Variants in TRAPPC9 observed in about 807,000 individuals in gnomAD.
The protein encoded by TRAPPC9 is IKK2 binding protein.
A neutral mutation model predicts 124.0 loss-of-function variants in TRAPPC9; 83 were observed. The ratio of observed to expected loss-of-function variants is 0.67; its 90% CI spans 0.56 to 0.80. The LOEUF (loss-of-function observed/expected upper bound fraction) is 0.80, where lower values mean the gene tolerates loss of function less well. Ranked by LOEUF, TRAPPC9 falls within the 30% of genes least tolerant of loss-of-function variation. The probability of loss-of-function intolerance (pLI) is 0.00; values close to 1 mark genes in which losing one functional copy is unlikely to be tolerated. For missense variants in TRAPPC9, 1,302 were observed against 1,508.3 expected, an observed-to-expected ratio of 0.86 and a Z score of 2.27; for synonymous variants, 638 against 617.5, an observed-to-expected ratio of 1.03 and a Z score of -0.49.
At chr8:139,756,609 C>T (rs1348506685) in intron 21 of TRAPPC9, among the ~76,000 whole-genome samples, 3 of 138,046 alleles carry the variant, frequency 2.2e-5, no homozygotes, top group African/African-American at 2.8e-5. Flanking sequence ...GACAGCGTGT[C>T]GCAGGAGAAG....
At chr8:140,129,771 C>T (rs770876175) in intron 17 of TRAPPC9, among the ~76,000 whole-genome samples, 13 of 152,144 alleles carry the variant, frequency 8.5e-5, no homozygotes, top group Admixed American at 3.3e-4. Context: ...CCAGTGATAC[C>T]GGATCGGAAT....
chr8:140,064,791 G>C (rs1842821682), intron 17 of TRAPPC9, among the ~76,000 whole-genome samples: 1 of 152,164 alleles, frequency 6.6e-6, no homozygotes, highest in Non-Finnish European at 1.5e-5. Flanking sequence ...TTGGACACCA[G>C]ATTAAAGAAA....
intron 17 of TRAPPC9, among the ~76,000 whole-genome samples, chr8:140,075,076 A>T (rs1411717057): frequency 6.6e-6 from 1 of 152,066 alleles, no homozygotes; most frequent in Non-Finnish European, 1.5e-5. Context: ...TCTGCAATAA[A>T]AGGAGGCAAT....
chr8:140,340,540 C>T (rs1248638403), intron 9 of TRAPPC9, among the ~76,000 whole-genome samples: 3 of 152,232 alleles, frequency 2.0e-5, no homozygotes, highest in African/African-American at 7.2e-5. Flanking sequence ...TGCCAGGCAG[C>T]TGACACATTC....
At chr8:140,155,088 G>A (rs1184562667) in intron 17 of TRAPPC9, among the ~76,000 whole-genome samples, 3 of 152,174 alleles carry the variant, frequency 2.0e-5, no homozygotes, top group Non-Finnish European at 2.9e-5. Flanking sequence ...AATATCTCAC[G>A]ACTGGAAGGC....
At position 140,152,722 on chromosome 8, in the gene TRAPPC9, T is replaced by C. The variant is rs560465484; in HGVS notation, c.2556+68737A>G. ...CTGATCCATGAGCATGGTATGTCTT[T>C]ACATTAATAGGTCTTGTTTAACTTC... On this transcript the variant is annotated intron_variant, in intron 17 of 22. Transcript: ENST00000438773. Among the ~76,000 whole-genome samples the C allele has an allele frequency of 1.4e-3, 219 of 152,298 alleles. 1 individual carries two copies. Among genetic ancestry groups the C allele is most frequent in the South Asian group, 7.9e-3 (38 of 4,828 alleles).
rs996152403 is a variant in TRAPPC9, at chr8:139,907,224, T to C, written c.2964+2923A>G. ...CCATCGTGTCACCGTAGCTGCTTCATAGACAGGTGTGCATCGACCCAGTGC... is the reference window on the plus strand; with the variant it reads ...CCATCGTGTCACCGTAGCTGCTTCACAGACAGGTGTGCATCGACCCAGTGC... On this transcript the variant is annotated intron_variant, in intron 20 of 22. Coordinates refer to ENST00000438773, the MANE Select transcript of TRAPPC9 (RefSeq NM_001160372.4). This position sits in a 1 kb window ranked among gnomAD's most constrained non-coding sequence, Gnocchi z 4.7. 6.6e-6 allele frequency among the ~76,000 whole-genome samples: 1 copy of C among 152,128 alleles called. No homozygotes were observed. The highest frequency in any genetic ancestry group is 1.5e-5 in the Non-Finnish European group (1 of 68,028).
chr8:139,901,873 A>G (rs1831042506), intron 20 of TRAPPC9, among the ~76,000 whole-genome samples: 1 of 152,196 alleles, frequency 6.6e-6, no homozygotes, highest in African/African-American at 2.4e-5. Flanking sequence ...TCATCTGTGC[A>G]ACGTGGATAA....
intron 19 of TRAPPC9, among the ~76,000 whole-genome samples, chr8:139,929,031 G>A (rs758793893): frequency 2.0e-5 from 3 of 152,062 alleles, no homozygotes; most frequent in Non-Finnish European, 2.9e-5. Flanking sequence ...TGCTGTGCAC[G>A]CCAATGGCAA....
chr8:140,300,303 GCACACATGCA>G, intron 11 of TRAPPC9, among the ~76,000 whole-genome samples, 156 bp downstream of exon 11: 1 of 149,052 alleles, frequency 6.7e-6, no homozygotes, highest in African/African-American at 2.6e-5. Flanking sequence ...ATGCATGCAT[GCACACATGCA>G]CACACATATA....
At chr8:139,741,922 C>A (rs1818588666) in intron 21 of TRAPPC9, among the ~76,000 whole-genome samples, 1 of 152,174 alleles carries the variant, frequency 6.6e-6, no homozygotes, top group Non-Finnish European at 1.5e-5. Flanking sequence ...ATAGCATCCA[C>A]CAAGGGACAC....
At chr8:139,741,131 C>T (rs1035410024) in intron 21 of TRAPPC9, among the ~76,000 whole-genome samples, 1 of 152,204 alleles carries the variant, frequency 6.6e-6, no homozygotes, top group Non-Finnish European at 1.5e-5. Flanking sequence ...CAGGGCACTC[C>T]CCCTTGGGCG....
intron 9 of TRAPPC9, among the ~76,000 whole-genome samples, chr8:140,350,654 G>A (rs1169233422): frequency 1.3e-5 from 2 of 152,096 alleles, no homozygotes; most frequent in Non-Finnish European, 2.9e-5. Flanking sequence ...GACGGCACTG[G>A]AGGTGAGCCC....
At chr8:140,386,848 T>C (rs1382354368) in intron 7 of TRAPPC9, among the ~76,000 whole-genome samples, 1 of 152,144 alleles carries the variant, frequency 6.6e-6, no homozygotes, top group Non-Finnish European at 1.5e-5. Context: ...AAAAAGAGCC[T>C]GCATTGCCAA....
chr8:139,831,105 T>C (rs1825963636), intron 21 of TRAPPC9, among the ~76,000 whole-genome samples: 1 of 152,186 alleles, frequency 6.6e-6, no homozygotes, highest in Non-Finnish European at 1.5e-5. Context: ...CTGTGGGCAC[T>C]CAGTGGGCAA....
chr8:140,014,149 G>GT (rs1248032161), intron 18 of TRAPPC9, among the ~76,000 whole-genome samples: 1 of 152,106 alleles, frequency 6.6e-6, no homozygotes, highest in African/African-American at 2.4e-5. Flanking sequence ...CAATAATGTC[G>GT]TAACGATTAC....
chr8:139,938,915 G>T (rs1001863871), intron 19 of TRAPPC9, among the ~76,000 whole-genome samples: 14 of 152,190 alleles, frequency 9.2e-5, no homozygotes, highest in Non-Finnish European at 2.1e-4. Flanking sequence ...AAAGTGCTGG[G>T]ATTACAGGCG....
intron 19 of TRAPPC9, among the ~76,000 whole-genome samples, chr8:139,914,405 G>C (rs1322526541): frequency 6.6e-6 from 1 of 152,254 alleles, no homozygotes; most frequent in Non-Finnish European, 1.5e-5. Context: ...ATCTTCCAGA[G>C]AGGAAGGGCG....
Position 140,434,932 on chromosome 8 carries a change from T to C in TRAPPC9, c.859+180A>G, listed in dbSNP as rs1371314357. Among the ~76,000 whole-genome samples, 3 of 150,674 alleles carry C rather than the reference T, an allele frequency of 2.0e-5. No individual in the cohort carries two copies. In the South Asian group the frequency reaches 6.3e-4, roughly 31 times the overall value. ...CTGTGGTGAGCCGAGATTGCGCCAC[T>C]GCACTCCAGCCCGGGCAACAGTGCA... On this transcript the variant is annotated intron_variant, in intron 4 of 22. Transcript: ENST00000438773.
Sources: gnomAD v4.1 joint callset for allele counts (sites outside exome capture counted in the v4.1 genomes callset) on GRCh38, gnomAD v4.1.1 for gene constraint, Gnocchi (gnomAD v3.1) non-coding constraint, MANE v1.5 for transcripts, NCBI Gene and HGNC (gene_info 2026-07-23, HGNC 2026-07-21) for gene names.